Variants in EGFR observed in about 807,000 individuals in gnomAD.
EGFR encodes avian erythroblastic leukemia viral (v-erb-b) oncogene homolog.
In EGFR, 58 loss-of-function variants were observed where a neutral mutation model predicts 143.0. The ratio of observed to expected loss-of-function variants is 0.41; its 90% CI spans 0.33 to 0.50. EGFR has a LOEUF of 0.50. Ranked by LOEUF, EGFR falls within the 20% of genes least tolerant of loss-of-function variation. The pLI is 0.39. For synonymous variants in EGFR, 613 were observed against 594.4 expected, an observed-to-expected ratio of 1.03 and a Z score of -0.45; for missense variants, 1,307 against 1,579.0, an observed-to-expected ratio of 0.83 and a Z score of 2.92.
chr7:55,045,959 A>T (rs1788155287), intron 1 of EGFR, among the ~76,000 whole-genome samples: 1 of 152,240 alleles, frequency 6.6e-6, no homozygotes, highest in African/African-American at 2.4e-5. Context: ...CTCATTGATA[A>T]CTTTTAAATT....
rs183794447 is a variant in EGFR at position 55,056,862 on chromosome 7, G to A, written c.88+37497G>A. Among the ~76,000 whole-genome samples the A allele has an allele frequency of 1.3e-3, 192 of 152,352 alleles. 1 individual carries two copies. The highest frequency in any genetic ancestry group is 4.5e-3 in the African/African-American group (189 of 41,570). On this transcript the variant is annotated intron_variant, in intron 1 of 27. Coordinates refer to ENST00000275493, the MANE Select transcript of EGFR (RefSeq NM_005228.5). ...AAGAACAGTGTCCTAAATTCAGGAG[G>A]TAATGCTCTGCCCATGCCCTGTGCA...
At chr7:55,092,460 T>C (rs1365054066) in intron 1 of EGFR, among the ~76,000 whole-genome samples, 1 of 152,230 alleles carries the variant, frequency 6.6e-6, no homozygotes, top group Non-Finnish European at 1.5e-5. Flanking sequence ...TTTCATAGTG[T>C]AGGGCACTTG....
At position 55,157,736 on chromosome 7, in the gene EGFR, C is replaced by T. The variant is rs367896493; in HGVS notation, c.1281C>T (p.Arg427=). 16 of 1,614,196 alleles carry T rather than the reference C, an allele frequency of 9.9e-6. No individual in the cohort carries two copies. In the East Asian group the frequency reaches 1.1e-4, roughly 11 times the overall value. ...LHAFENLEII[R]GRTKQHGQFS... is the part of the protein sequence containing the mutation. The stretch of plus-strand genomic sequence containing the variant: ...CCTTTGAGAACCTAGAAATCATACG[C>T]GGCAGGACCAAGCAACAGTAAGTTG... Residue 427 remains arginine (R), a synonymous_variant, in exon 11 of 28, where the codon CGC becomes CGT. Transcript: ENST00000275493.
intron 1 of EGFR, among the ~76,000 whole-genome samples, chr7:55,080,629 G>C (rs536332387): frequency 1.3e-5 from 2 of 152,118 alleles, no homozygotes; most frequent in Non-Finnish European, 2.9e-5. Context: ...GCACATCATG[G>C]TAACTGTAGT....
chr7:55,070,664 G>C (rs752807998), intron 1 of EGFR, among the ~76,000 whole-genome samples: 1 of 152,134 alleles, frequency 6.6e-6, no homozygotes, highest in African/African-American at 2.4e-5. Flanking sequence ...ATTTGCAAAC[G>C]GCCCTGAGTC....
At chr7:55,126,527 C>T (rs535397764) in intron 1 of EGFR, among the ~76,000 whole-genome samples, 41 of 152,310 alleles carry the variant, frequency 2.7e-4, no homozygotes, top group African/African-American at 7.5e-4. Flanking sequence ...TGGGTGCAAA[C>T]GCAGGCTTGT....
chr7:55,151,441 T>C, intron 5 of EGFR, 79 bp downstream of exon 5: 1 of 1,479,348 alleles, frequency 6.8e-7, no homozygotes, highest in African/African-American at 1.4e-5. Context: ...GGATTTGTTT[T>C]CCCTCTGAAG....
intron 15 of EGFR, chr7:55,170,544 A>T (rs1562781481): frequency 1.2e-6 from 2 of 1,613,042 alleles, no homozygotes; most frequent in Non-Finnish European, 1.7e-6. Context: ...CCTGCCACTG[A>T]GCCTCATGCC....
At chr7:55,023,650 C>CAAAAAA (rs11372886) in intron 1 of EGFR, among the ~76,000 whole-genome samples, 5 of 93,998 alleles carry the variant, frequency 5.3e-5, no homozygotes, top group African/African-American at 2.1e-4. Context: ...GACTCCATCT[C>CAAAAAA]AAAAAAAAAA....
At chr7:55,093,291 G>T (rs1791238380) in intron 1 of EGFR, among the ~76,000 whole-genome samples, 1 of 152,140 alleles carries the variant, frequency 6.6e-6, no homozygotes, top group Admixed American at 6.5e-5. Context: ...TGATTTCCGT[G>T]TTTGAAATGA....
rs767829342 is a variant in EGFR at position 55,151,344 on chromosome 7, G to A, written c.610G>A (p.Glu204Lys). 6 of 1,614,106 alleles carry A rather than the reference G, an allele frequency of 3.7e-6. No individual in the cohort carries two copies. The highest frequency in any genetic ancestry group is 2.2e-5 in the South Asian group (2 of 91,086). The change falls in exon 5 of 28, where the codon GAG (glutamate) becomes AAG (lysine). Residue 204 changes from glutamate to lysine, a missense_variant. Glu to Lys is a moderately conservative substitution (Grantham distance 56). Transcript: ENST00000275493. ...CAATGGGAGCTGCTGGGGTGCAGGAGAGGAGAACTGCCAGAAACGTAAGTC... is the reference window on the plus strand; with the variant it reads ...CAATGGGAGCTGCTGGGGTGCAGGAAAGGAGAACTGCCAGAAACGTAAGTC... ...CPNGSCWGAGEENCQKLTKII... is the reference protein window; with the variant it reads ...CPNGSCWGAGKENCQKLTKII...
chr7:55,109,703 T>G, intron 1 of EGFR: 7 of 984,256 alleles, frequency 7.1e-6, no homozygotes, highest in Non-Finnish European at 7.2e-6. Context: ...TATAAACTTT[T>G]GACTCACAGG....
chr7:55,079,468 G>A (rs1402808094), intron 1 of EGFR, among the ~76,000 whole-genome samples: 5 of 152,222 alleles, frequency 3.3e-5, no homozygotes, highest in Non-Finnish European at 5.9e-5. Context: ...CCAAATACGT[G>A]TTCTTTGAAT....
intron 1 of EGFR, among the ~76,000 whole-genome samples, chr7:55,077,323 T>G (rs1790184952): frequency 6.6e-6 from 1 of 152,186 alleles, no homozygotes; most frequent in Non-Finnish European, 1.5e-5. Flanking sequence ...TAAATAAAAT[T>G]TCAGCAAAAA....
At chr7:55,030,308 T>C (rs1787177783) in intron 1 of EGFR, among the ~76,000 whole-genome samples, 1 of 152,274 alleles carries the variant, frequency 6.6e-6, no homozygotes, top group Non-Finnish European at 1.5e-5. Flanking sequence ...CTGTTACTAA[T>C]GCTTAATGTC....
chr7:55,033,959 C>T (rs563596753), intron 1 of EGFR, among the ~76,000 whole-genome samples: 6 of 152,288 alleles, frequency 3.9e-5, no homozygotes, highest in East Asian at 1.9e-4. Flanking sequence ...TTTACTATGA[C>T]GACTGTGACT....
chr7:55,202,925 GTGTGTACATC>G, intron 27 of EGFR: 1 of 635,112 alleles, frequency 1.6e-6, no homozygotes, highest in Non-Finnish European at 2.9e-6. Context: ...TGTTCATGAT[GTGTGTACATC>G]TGTGTATGTG....
chr7:55,141,062 T>C (rs569850490), intron 1 of EGFR, among the ~76,000 whole-genome samples: 19 of 152,294 alleles, frequency 1.2e-4, no homozygotes, highest in African/African-American at 4.3e-4. Flanking sequence ...TGCCAGTGTA[T>C]TGATTTTGGC....
At chr7:55,134,417 G>A (rs1047971331) in intron 1 of EGFR, among the ~76,000 whole-genome samples, 2 of 152,220 alleles carry the variant, frequency 1.3e-5, no homozygotes, top group Non-Finnish European at 2.9e-5. Flanking sequence ...GCCATATCCA[G>A]GTTCAGTTCC....
Sources: allele counts gnomAD v4.1 joint callset (sites outside exome capture counted in the v4.1 genomes callset), GRCh38; gene constraint gnomAD v4.1.1; transcripts MANE v1.5; gene names NCBI Gene and HGNC (gene_info 2026-07-23, HGNC 2026-07-21).